ABCA3: variants seen among roughly 807,000 people sequenced by gnomAD.
ABCA3 encodes ATP binding cassette subfamily A member 3, also known as phospholipid-transporting ATPase ABCA3.
Under a neutral mutation model 172.8 loss-of-function variants are expected in ABCA3, and 88 were observed. The observed-to-expected ratio is 0.51, with a 90% confidence interval of 0.43 to 0.61. The LOEUF (loss-of-function observed/expected upper bound fraction) is 0.61. Ranked by LOEUF, ABCA3 falls within the 20% of genes least tolerant of loss-of-function variation. The pLI, the probability that ABCA3 is intolerant of heterozygous loss-of-function variation, is 0.00. For missense variants in ABCA3, 2,164 were observed against 2,301.0 expected, an observed-to-expected ratio of 0.94 and a Z score of 1.22; for synonymous variants, 1,066 against 983.8, an observed-to-expected ratio of 1.08 and a Z score of -1.56.
In ABCA3 at chr16:2,289,639, G is replaced by T; in HGVS notation, c.2514-19C>A. On this transcript the variant is annotated intron_variant, in intron 19 of 32. Coordinates refer to ENST00000301732, the MANE Select transcript of ABCA3 (RefSeq NM_001089.3). Reference sequence around the variant, plus strand: ...CCCGACCCTGTGCCGATACACACAGGGACCGGTCAGGACCCAGCTCCCCGG... The same window carrying T: ...CCCGACCCTGTGCCGATACACACAGTGACCGGTCAGGACCCAGCTCCCCGG... 1 of 1,545,332 alleles carries T rather than the reference G, an allele frequency of 6.5e-7. No individual in the cohort carries two copies. Among genetic ancestry groups the T allele is most frequent in the South Asian group, 1.2e-5 (1 of 83,994 alleles).
chr16:2,339,999 G>A (rs1191817252), intron 1 of ABCA3, among the ~76,000 whole-genome samples: 1 of 152,250 alleles, frequency 6.6e-6, no homozygotes, highest in African/African-American at 2.4e-5. Context: ...CCCACACAGT[G>A]GAGGGCGCAG....
At chr16:2,330,608 C>T (rs2141746350) in intron 1 of ABCA3, among the ~76,000 whole-genome samples, 1 of 151,968 alleles carries the variant, frequency 6.6e-6, no homozygotes, top group Non-Finnish European at 1.5e-5. Context: ...GTGTGAGCCA[C>T]TGTACCCAGC....
rs767879016 is a variant in ABCA3, at chr16:2,284,479, C to T, written c.3704-42G>A. 6.2e-7 allele frequency: 1 copy of T among 1,611,004 alleles called. No homozygotes were observed. The highest frequency in any genetic ancestry group is 1.1e-5 in the South Asian group (1 of 90,940). ...AGATCAGTCTGCGCTGGAGGGCACA[C>T]CACACCCACCTCCAGGACGGGCCTG... On this transcript the variant is annotated intron_variant, in intron 24 of 32. Coordinates refer to ENST00000301732, the MANE Select transcript of ABCA3 (RefSeq NM_001089.3). This position sits in a 1 kb window ranked among gnomAD's most constrained non-coding sequence, Gnocchi z 5.9.
intron 1 of ABCA3, among the ~76,000 whole-genome samples, chr16:2,335,302 A>ATTTGTTTG (rs544676061): frequency 2.0e-5 from 3 of 151,908 alleles, no homozygotes; most frequent in African/African-American, 7.3e-5. Context: ...GGCTTCACTG[A>ATTTGTTTG]TTTGTTTGTT....
rs1379119065 is a variant in ABCA3, at chr16:2,298,022, G to GACTCA, written c.1897-102_1897-101insTGAGT. ...GAGGAACCTCTCCTTGACGTAGCTG[G>GACTCA]GGAGATGCAGGGCTCCTGGCGGGAG... On this transcript the variant is annotated intron_variant, in intron 15 of 32. Coordinates refer to ENST00000301732, the MANE Select transcript of ABCA3 (RefSeq NM_001089.3). 319 of 1,109,656 alleles carry GACTCA rather than the reference G, an allele frequency of 2.9e-4. 1 individual carries two copies. The highest frequency in any genetic ancestry group is 1.3e-3 in the East Asian group (37 of 29,338). 68.7% of individuals were successfully genotyped at this position (1,109,656 alleles called of 1,614,324 possible). A position where few individuals can be genotyped will look rare whatever the true frequency, so the allele number is the denominator to read the frequency against.
chr16:2,297,564 G>A lies in ABCA3; in HGVS notation c.2053-25C>T, dbSNP rs748466671. The A allele has an allele frequency of 3.7e-6, 6 of 1,609,748 alleles. No individual in the cohort carries two copies. Among genetic ancestry groups the A allele is most frequent in the Admixed American group, 3.3e-5 (2 of 59,992 alleles). On this transcript the variant is annotated intron_variant, in intron 16 of 32. Coordinates refer to ENST00000301732, the MANE Select transcript of ABCA3 (RefSeq NM_001089.3). This position sits in a 1 kb window ranked among gnomAD's most constrained non-coding sequence, Gnocchi z 5.6. The stretch of plus-strand genomic sequence containing the variant: ...CCTGGAGGGAGAGACACAGTCTCGC[G>A]ACGCTGGTAGAGCCACACCCCGGGC...
Position 2,317,633 on chromosome 16 carries a change from C to T in ABCA3, c.990+15G>A, listed in dbSNP as rs77084165. 1.9e-5 allele frequency: 31 copies of T among 1,613,872 alleles called. No homozygotes were observed. Among genetic ancestry groups the T allele is most frequent in the Admixed American group, 1.0e-4 (6 of 60,030 alleles). On this transcript the variant is annotated intron_variant, in intron 9 of 32. Transcript: ENST00000301732. ...CTCCCCGTCCTCACCAGAGCCCCAC[C>T]GACGCCATGCTCACCTTGACACAGA...
At position 2,321,650 on chromosome 16, in the gene ABCA3, T is replaced by C. The variant is rs562945892; in HGVS notation, c.614-1810A>G. On this transcript the variant is annotated intron_variant, in intron 7 of 32. Transcript: ENST00000301732. ...CACTTCTTGGCTGTCCCTAGCTCAG[T>C]TCCAAGACAAGACCATGCTTCAGAG... Among the ~76,000 whole-genome samples, 9 of 151,948 alleles carry C rather than the reference T, an allele frequency of 5.9e-5. No individual in the cohort carries two copies. In the South Asian group the frequency reaches 1.7e-3, roughly 28 times the overall value.
At chr16:2,317,513 A>G in intron 9 of ABCA3, 110 bp from the exon 10 acceptor site, 1 of 1,589,212 alleles carries the variant, frequency 6.3e-7, no homozygotes, top group Non-Finnish European at 8.6e-7. Context: ...GGAGTGGGAC[A>G]TTGACAGCTC....
Position 2,304,027 on chromosome 16 carries a change from A to G in ABCA3, c.1409T>C (p.Met470Thr). The part of the protein sequence containing the change: ...SVLYGLVTWY[M>T]EAVFPGQFGV... ...GAACTGCCCTGGGAAGACGGCCTCCATGTACCAGGTCACCAGGCCATAGAG... is the reference window on the plus strand; with the variant it reads ...GAACTGCCCTGGGAAGACGGCCTCCGTGTACCAGGTCACCAGGCCATAGAG... Residue 470 changes from methionine to threonine, a missense_variant, in exon 12 of 33, where the codon ATG becomes ACG. Physicochemically the swap from Met to Thr is moderately conservative, Grantham distance 81. Transcript: ENST00000301732. 1.2e-6 allele frequency: 2 copies of G among 1,614,174 alleles called. No individual in the cohort carries two copies. Among genetic ancestry groups the G allele is most frequent in the Non-Finnish European group, 1.7e-6 (2 of 1,180,018 alleles).
chr16:2,312,652 C>A (rs1158093198), intron 10 of ABCA3, among the ~76,000 whole-genome samples: 5 of 151,862 alleles, frequency 3.3e-5, no homozygotes, highest in African/African-American at 1.2e-4. Context: ...CCTCAGCCTC[C>A]CGAGTAGCTG....
At position 2,277,450 on chromosome 16, in the gene ABCA3, C is replaced by G; in HGVS notation, c.4983+147G>C. The G allele has an allele frequency of 1.2e-6, 1 of 839,566 alleles. No homozygotes were observed. Among genetic ancestry groups the G allele is most frequent in the Non-Finnish European group, 1.9e-6 (1 of 519,574 alleles). The allele number at this position is 839,566 out of a possible 1,614,324, so 52.0% of individuals were successfully genotyped here. A position where few individuals can be genotyped will look rare whatever the true frequency, so the allele number is the denominator to read the frequency against. ...TAATTTTGGATATAAAACCCCCAAA[C>G]CAGCACGTATCAGGCTGAGTGTTAG... On this transcript the variant is annotated intron_variant, in intron 32 of 32. Coordinates refer to ENST00000301732, the MANE Select transcript of ABCA3 (RefSeq NM_001089.3). This position sits in a 1 kb window ranked among gnomAD's most constrained non-coding sequence, Gnocchi z 5.3.
chr16:2,316,723 G>GGT (rs2093716517), intron 10 of ABCA3, among the ~76,000 whole-genome samples: 1 of 151,594 alleles, frequency 6.6e-6, no homozygotes, highest in Admixed American at 6.6e-5. Flanking sequence ...TTAGAGTGGT[G>GGT]GTGAGGTTGG....
intron 18 of ABCA3, among the ~76,000 whole-genome samples, chr16:2,294,285 C>T (rs907924394): frequency 2.6e-5 from 4 of 151,884 alleles, no homozygotes; most frequent in Non-Finnish European, 4.4e-5. Context: ...CTTGGCCTCC[C>T]AAAGTGCTGG....
intron 7 of ABCA3, 94 bp downstream of exon 7, chr16:2,323,429 C>T: frequency 6.6e-7 from 1 of 1,505,160 alleles, no homozygotes; most frequent in Middle Eastern, 2.3e-4. Flanking sequence ...AGTATTTCTT[C>T]AAGAAATACT....
intron 11 of ABCA3, among the ~76,000 whole-genome samples, chr16:2,307,883 G>C (rs1432509834): frequency 6.6e-6 from 1 of 152,114 alleles, no homozygotes; most frequent in African/African-American, 2.4e-5. Context: ...GGGATTATAG[G>C]CGTGAGCCAC....
intron 19 of ABCA3, 33 bp downstream of exon 19, chr16:2,292,107 G>T: frequency 1.3e-6 from 2 of 1,550,050 alleles, no homozygotes; most frequent in Non-Finnish European, 1.8e-6. Context: ...ACGGAGCCCA[G>T]TCCTAGGTGG....
intron 1 of ABCA3, among the ~76,000 whole-genome samples, chr16:2,330,520 A>T (rs1397721960): frequency 6.6e-6 from 1 of 150,978 alleles, no homozygotes; most frequent in Non-Finnish European, 1.5e-5. Context: ...GGGTTTCACC[A>T]CTTTGGCCAG....
chr16:2,280,549 TA>T (rs1487725214), intron 28 of ABCA3, among the ~76,000 whole-genome samples: 1 of 152,158 alleles, frequency 6.6e-6, no homozygotes, highest in Admixed American at 6.5e-5. Context: ...AGGCCCTGCT[TA>T]CCATTTCCCC....
Sources: allele counts gnomAD v4.1 joint callset (sites outside exome capture counted in the v4.1 genomes callset), GRCh38; gene constraint gnomAD v4.1.1; non-coding constraint Gnocchi (gnomAD v3.1); transcripts MANE v1.5; gene names NCBI Gene and HGNC (gene_info 2026-07-23, HGNC 2026-07-21).